DNMBP: variants seen among roughly 807,000 people sequenced by gnomAD.
DNMBP encodes dynamin binding protein, also known as dynamin-binding protein.
DNMBP carries 87 observed loss-of-function variants against 150.0 expected under a neutral mutation model. The ratio of observed to expected loss-of-function variants is 0.58; its 90% CI spans 0.49 to 0.69. The LOEUF (loss-of-function observed/expected upper bound fraction) is 0.69. DNMBP is among the 30% of genes least tolerant of loss of function. The pLI, the probability that DNMBP is intolerant of heterozygous loss-of-function variation, is 0.00. For missense variants in DNMBP, 1,774 were observed against 1,949.0 expected (o/e 0.91, Z 1.69); for synonymous variants, 711 against 750.4 (o/e 0.95, Z 0.86).
At chr10:99,944,328 G>T (rs540027973) in intron 4 of DNMBP, among the ~76,000 whole-genome samples, 2 of 152,208 alleles carry the variant, frequency 1.3e-5, no homozygotes, top group Non-Finnish European at 2.9e-5. Context: ...ACTGAATAAA[G>T]AAATGAATGC....
chr10:99,990,778 TATATACACAC>T (rs199899776), intron 1 of DNMBP, among the ~76,000 whole-genome samples: 47,691 of 140,284 alleles, frequency 0.34, 7,730 homozygotes, highest in African/African-American at 0.38. Flanking sequence ...TATATACACA[TATATACACAC>T]ATATATACAC....
chr10:99,911,291 C>A (rs765043462), intron 4 of DNMBP, among the ~76,000 whole-genome samples: 1 of 151,960 alleles, frequency 6.6e-6, no homozygotes, highest in African/African-American at 2.4e-5. Flanking sequence ...GAGGCTGAGG[C>A]GGACAGATCA....
chr10:99,947,313 G>A (rs1414104670), intron 4 of DNMBP, among the ~76,000 whole-genome samples: 3 of 152,132 alleles, frequency 2.0e-5, no homozygotes, highest in African/African-American at 4.8e-5. Context: ...ATCAACTTAG[G>A]TGCCTATCAA....
intron 1 of DNMBP, among the ~76,000 whole-genome samples, chr10:100,007,678 C>G (rs2041089900): frequency 6.6e-6 from 1 of 152,188 alleles, no homozygotes; most frequent in South Asian, 2.1e-4. Context: ...CCCACAGCTG[C>G]CTTTCATAGC....
chr10:99,918,272 T>A (rs1290488294), intron 4 of DNMBP, among the ~76,000 whole-genome samples: 1 of 152,044 alleles, frequency 6.6e-6, no homozygotes, highest in Non-Finnish European at 1.5e-5. Flanking sequence ...CTGCTCTGTG[T>A]AAAACTTCCA....
Position 99,908,017 on chromosome 10 carries a change from A to G in DNMBP, c.2532T>C (p.Ala844=). The change falls in exon 6 of 17, where the codon GCT becomes GCC. Residue 844 remains alanine (A), a synonymous_variant. Transcript: ENST00000324109. ...VIKVSKQLLA[A]LEISDAVGPV... is the part of the protein sequence containing the mutation. ...TACCTACAGCATCGCTGATTTCCAG[A>G]GCAGCCAATAATTGCTTCGAGACCT... 1.2e-6 allele frequency: 2 copies of G among 1,614,052 alleles called. No individual in the cohort carries two copies. Among genetic ancestry groups the G allele is most frequent in the South Asian group, 1.1e-5 (1 of 91,078 alleles).
chr10:99,883,663 AAAAAATTTG>A (rs1420244034), intron 15 of DNMBP, among the ~76,000 whole-genome samples: 14 of 140,236 alleles, frequency 1.0e-4, no homozygotes, highest in African/African-American at 3.4e-4. Flanking sequence ...AAAAAAAAAA[AAAAAATTTG>A]AAAAGAGGGC....
intron 4 of DNMBP, among the ~76,000 whole-genome samples, chr10:99,935,369 G>GT (rs972386783): frequency 9.0e-4 from 135 of 149,506 alleles, no homozygotes; most frequent in Middle Eastern, 3.4e-3. Flanking sequence ...GACAGACTTA[G>GT]TTTTTTTTTT....
chr10:99,946,615 G>A (rs1373188055), intron 4 of DNMBP, among the ~76,000 whole-genome samples: 1 of 152,210 alleles, frequency 6.6e-6, no homozygotes, highest in Middle Eastern at 3.4e-3. Context: ...AACTCAAGAT[G>A]GATTAAAGAC....
intron 1 of DNMBP, among the ~76,000 whole-genome samples, chr10:99,987,102 C>T (rs1329754065): frequency 6.7e-6 from 1 of 149,782 alleles, no homozygotes; most frequent in Non-Finnish European, 1.5e-5. Context: ...TTTCAGTGAG[C>T]TGAGATCGCG....
At chr10:100,009,811 C>A in intron 1 of DNMBP, 27 bp downstream of exon 1, 2 of 149,076 alleles carry the variant, frequency 1.3e-5, no homozygotes, top group South Asian at 4.1e-4. Context: ...GGCCCCCGCC[C>A]GGCTCCGGCC....
chr10:99,965,285 T>C (rs1399302240), intron 3 of DNMBP, among the ~76,000 whole-genome samples: 4 of 152,146 alleles, frequency 2.6e-5, no homozygotes, highest in Non-Finnish European at 5.9e-5. Context: ...TCACAGCTAT[T>C]AAGTGGTGGA....
At position 99,948,297 on chromosome 10, in the gene DNMBP, T is replaced by C. The variant is rs551194014; in HGVS notation, c.2260+6917A>G. Reference sequence around the variant, plus strand: ...ACTTGTCATCTTTGATTATGATCTCTACTACTATTCAAGAATGTGTAAGTA... The same window carrying C: ...ACTTGTCATCTTTGATTATGATCTCCACTACTATTCAAGAATGTGTAAGTA... On this transcript the variant is annotated intron_variant, in intron 4 of 16. Transcript: ENST00000324109. Among the ~76,000 whole-genome samples the C allele has an allele frequency of 1.2e-4, 19 of 152,374 alleles. No individual in the cohort carries two copies. In the South Asian group the frequency reaches 3.7e-3, roughly 30 times the overall value.
intron 1 of DNMBP, among the ~76,000 whole-genome samples, chr10:99,993,062 C>T (rs1480717725): frequency 1.3e-5 from 2 of 151,916 alleles, no homozygotes; most frequent in African/African-American, 4.8e-5. Context: ...AATAAAGATT[C>T]AACATAAAAA....
intron 4 of DNMBP, among the ~76,000 whole-genome samples, chr10:99,945,963 C>CT (rs910379415): frequency 9.9e-5 from 15 of 151,946 alleles, no homozygotes; most frequent in African/African-American, 3.6e-4. Context: ...GCTTTTTTTT[C>CT]TTTTTTTAAT....
In DNMBP at chr10:99,886,531, C is replaced by T. The variant is rs1232111846; in HGVS notation, c.3387G>A (p.Leu1129=). Residue 1129 remains leucine, a synonymous_variant, in exon 13 of 17, where the codon CTG becomes CTA. Coordinates refer to ENST00000324109, the MANE Select transcript of DNMBP (RefSeq NM_015221.4). Reference sequence around the variant, plus strand: ...CCCGTTCTGTACAGTTATAGAAGTCCAGGAGCTTGTCAAAGCGTTTCTGTA... The same window carrying T: ...CCCGTTCTGTACAGTTATAGAAGTCTAGGAGCTTGTCAAAGCGTTTCTGTA... The part of the protein sequence containing the change: ...KLVQKRFDKL[L]DFYNCTERAE... 1.2e-6 allele frequency: 2 copies of T among 1,614,116 alleles called. No individual in the cohort carries two copies. Among genetic ancestry groups the T allele is most frequent in the Non-Finnish European group, 1.7e-6 (2 of 1,180,010 alleles).
chr10:99,901,427 A>C (rs2039735820), intron 6 of DNMBP, among the ~76,000 whole-genome samples: 1 of 152,192 alleles, frequency 6.6e-6, no homozygotes, highest in Non-Finnish European at 1.5e-5. Flanking sequence ...AGTCACAGCT[A>C]CTACTATGTG....
intron 1 of DNMBP, among the ~76,000 whole-genome samples, chr10:100,002,202 C>T (rs2041021273): frequency 6.6e-6 from 1 of 152,080 alleles, no homozygotes; most frequent in South Asian, 2.1e-4. Context: ...AAATAACCAA[C>T]GTTTTAGCAG....
chr10:99,979,187 C>T (rs2040759629), intron 1 of DNMBP, among the ~76,000 whole-genome samples: 1 of 152,194 alleles, frequency 6.6e-6, no homozygotes, highest in Non-Finnish European at 1.5e-5. Context: ...TGACCCTTCA[C>T]CCAACATTCT....
Sources: allele counts gnomAD v4.1 joint callset (sites outside exome capture counted in the v4.1 genomes callset), GRCh38; gene constraint gnomAD v4.1.1; transcripts MANE v1.5; gene names NCBI Gene and HGNC (gene_info 2026-07-23, HGNC 2026-07-21).